PRDM16: variants seen among roughly 807,000 people sequenced by gnomAD.
PRDM16 encodes the protein histone-lysine N-methyltransferase PRDM16.
In PRDM16, 23 loss-of-function variants were observed where a neutral mutation model predicts 110.6. The ratio of observed to expected loss-of-function variants is 0.21; its 90% CI spans 0.15 to 0.29. PRDM16 has a LOEUF of 0.29. Among genes scored for constraint, PRDM16 ranks in the 10% least tolerant of loss-of-function variants. PRDM16 has a pLI of 1.00. For synonymous variants in PRDM16, 799 were observed against 781.8 expected (o/e 1.02, Z -0.37); for missense variants, 1,615 against 1,794.3 (o/e 0.90, Z 1.81).
chr1:3,132,218 G>C (rs190682699), intron 1 of PRDM16, among the ~76,000 whole-genome samples: 1 of 152,164 alleles, frequency 6.6e-6, no homozygotes, highest in Non-Finnish European at 1.5e-5. Flanking sequence ...GCGGTGCCAC[G>C]GAGAGGAAAA....
Position 3,145,486 on chromosome 1 carries a change from G to A in PRDM16, c.38-40639G>A, listed in dbSNP as rs529962382. ...GCCTTGGACGGCAGCCTGGACTGGA[G>A]AGTCCCCAGGGGAAGTTCCCAGGCC... On this transcript the variant is annotated intron_variant, in intron 1 of 16. Coordinates refer to ENST00000270722, the MANE Select transcript of PRDM16 (RefSeq NM_022114.4). Among the ~76,000 whole-genome samples the A allele has an allele frequency of 1.6e-3, 238 of 152,296 alleles. 1 individual carries two copies. Among genetic ancestry groups the A allele is most frequent in the African/African-American group, 5.5e-3 (228 of 41,546 alleles).
chr1:3,254,763 A>G (rs1242428286), intron 3 of PRDM16, among the ~76,000 whole-genome samples: 3 of 152,076 alleles, frequency 2.0e-5, no homozygotes, highest in Non-Finnish European at 4.4e-5. Flanking sequence ...TGCCATCCCC[A>G]TCAAGCTACC....
In PRDM16 at chr1:3,190,366, G is replaced by A. The variant is rs551461693; in HGVS notation, c.387+3892G>A. On this transcript the variant is annotated intron_variant, in intron 2 of 16. Coordinates refer to ENST00000270722, the MANE Select transcript of PRDM16 (RefSeq NM_022114.4). The surrounding 1 kb of genome is among the most constrained non-coding windows in gnomAD (Gnocchi z 5.0). The stretch of plus-strand genomic sequence containing the variant: ...GGGGGTCGGGAGCTGAGTTTCCTCC[G>A]GCCTCAGTTGCTGGTCGGAAGCCTG... Among the ~76,000 whole-genome samples, 8 of 152,214 alleles carry A rather than the reference G, an allele frequency of 5.3e-5. No homozygotes were observed. Among genetic ancestry groups the A allele is most frequent in the African/African-American group, 1.7e-4 (7 of 41,442 alleles).
intron 3 of PRDM16, among the ~76,000 whole-genome samples, chr1:3,314,317 C>CT (rs1241430166): frequency 2.0e-5 from 3 of 152,120 alleles, no homozygotes; most frequent in Non-Finnish European, 4.4e-5. Flanking sequence ...GTGCCCTAGA[C>CT]TGTTTCTGAA....
At chr1:3,139,805 G>A (rs190322591) in intron 1 of PRDM16, among the ~76,000 whole-genome samples, 3 of 152,246 alleles carry the variant, frequency 2.0e-5, no homozygotes, top group East Asian at 1.9e-4. Context: ...GCTCCAGGCT[G>A]AGAGTGGTTT....
chr1:3,311,226 G>A (rs938560741), intron 3 of PRDM16, among the ~76,000 whole-genome samples: 2 of 152,218 alleles, frequency 1.3e-5, no homozygotes, highest in African/African-American at 4.8e-5. Flanking sequence ...CAGTGGCCGC[G>A]GCGCTGCCGC....
intron 1 of PRDM16, among the ~76,000 whole-genome samples, chr1:3,108,264 T>C: frequency 6.6e-6 from 1 of 152,242 alleles, no homozygotes; most frequent in East Asian, 1.9e-4. Context: ...TAATTCTTTT[T>C]TGAAGTTTTA....
chr1:3,327,669 C>G (rs1259022056), intron 3 of PRDM16, among the ~76,000 whole-genome samples: 1 of 128,080 alleles, frequency 7.8e-6, no homozygotes, highest in Admixed American at 7.8e-5. Flanking sequence ...GGGATGGGCA[C>G]AGTGGATGAT....
In PRDM16 at chr1:3,358,489, G is replaced by A. The variant is rs568252377; in HGVS notation, c.439-26663G>A. On this transcript the variant is annotated intron_variant, in intron 3 of 16. Coordinates refer to ENST00000270722, the MANE Select transcript of PRDM16 (RefSeq NM_022114.4). This position sits in a 1 kb window ranked among gnomAD's most constrained non-coding sequence, Gnocchi z 4.0. ...GCCGCTGCGCCCCAGACTCCCAGCC[G>A]CGGCTTCGGATGCAGCTGGAATAAG... Among the ~76,000 whole-genome samples, 18 of 152,276 alleles carry A rather than the reference G, an allele frequency of 1.2e-4. No homozygotes were observed. The East Asian group carries it at 2.1e-3, about 18-fold the overall frequency.
At chr1:3,079,939 G>A (rs1169502570) in intron 1 of PRDM16, among the ~76,000 whole-genome samples, 2 of 152,216 alleles carry the variant, frequency 1.3e-5, no homozygotes, top group South Asian at 2.1e-4. Context: ...GCTGCACCTC[G>A]GTCCTTAGCC....
At chr1:3,254,318 G>T (rs1292001223) in intron 3 of PRDM16, among the ~76,000 whole-genome samples, 1 of 152,124 alleles carries the variant, frequency 6.6e-6, no homozygotes, top group African/African-American at 2.4e-5. Flanking sequence ...AGGGCAGTTA[G>T]GCAGGAGAAG....
intron 2 of PRDM16, among the ~76,000 whole-genome samples, chr1:3,241,510 G>T (rs1311923543): frequency 6.6e-6 from 1 of 152,212 alleles, no homozygotes; most frequent in Non-Finnish European, 1.5e-5. Context: ...GGTATGACTG[G>T]GCCCTCCTGG....
intron 8 of PRDM16, among the ~76,000 whole-genome samples, chr1:3,408,855 CGAG>C (rs1370339211): frequency 1.5e-5 from 2 of 136,280 alleles, no homozygotes; most frequent in African/African-American, 2.7e-5. Context: ...TGTGAGAGCA[CGAG>C]GGTGGGCACG....
At chr1:3,247,038 T>G (rs1569919062) in intron 3 of PRDM16, among the ~76,000 whole-genome samples, 1 of 152,130 alleles carries the variant, frequency 6.6e-6, no homozygotes, top group Non-Finnish European at 1.5e-5. Flanking sequence ...CAGGATGAAT[T>G]CAGTACAGTC....
Position 3,157,997 on chromosome 1 carries a change from CAG to C in PRDM16, c.38-28126_38-28125del, listed in dbSNP as rs1429983800. On this transcript the variant is annotated intron_variant, in intron 1 of 16. Coordinates refer to ENST00000270722, the MANE Select transcript of PRDM16 (RefSeq NM_022114.4). The surrounding 1 kb of genome is among the most constrained non-coding windows in gnomAD (Gnocchi z 4.8). ...CTGCTCATTGCAGAAAATACAGAAA[CAG>C]ATTTTGAAATGGAAAACCTTGCCTC... Among the ~76,000 whole-genome samples, 3 of 152,156 alleles carry C rather than the reference CAG, an allele frequency of 2.0e-5. No individual in the cohort carries two copies. Among genetic ancestry groups the C allele is most frequent in the African/African-American group, 4.8e-5 (2 of 41,442 alleles).
At chr1:3,314,071 C>CGGGGGGGGGGG (rs747479644) in intron 3 of PRDM16, among the ~76,000 whole-genome samples, 26 of 100,506 alleles carry the variant, frequency 2.6e-4, no homozygotes, top group African/African-American at 1.4e-3. Flanking sequence ...CCTTCCCCAC[C>CGGGGGGGGGGG]GGGGGGGGGG....
intron 3 of PRDM16, among the ~76,000 whole-genome samples, chr1:3,279,328 T>C (rs1016000862): frequency 4.6e-5 from 7 of 152,072 alleles, no homozygotes; most frequent in African/African-American, 1.7e-4. Context: ...GGGTAGATGT[T>C]CTCCCCTCAG....
At chr1:3,146,417 G>A (rs567083445) in intron 1 of PRDM16, among the ~76,000 whole-genome samples, 34 of 152,384 alleles carry the variant, frequency 2.2e-4, no homozygotes, top group African/African-American at 7.5e-4. Flanking sequence ...CTTGCCATCC[G>A]TTGTCAAAGG....
chr1:3,418,841 C>A (rs754894268), intron 12 of PRDM16, 97 bp downstream of exon 12: 4 of 944,856 alleles, frequency 4.2e-6, no homozygotes, highest in Admixed American at 1.8e-5. Flanking sequence ...CCAGGGCTCC[C>A]TGCTGGAGTG....
Sources: gnomAD v4.1 joint callset for allele counts (sites outside exome capture counted in the v4.1 genomes callset) on GRCh38, gnomAD v4.1.1 for gene constraint, Gnocchi (gnomAD v3.1) non-coding constraint, MANE v1.5 for transcripts, NCBI Gene and HGNC (gene_info 2026-07-23, HGNC 2026-07-21) for gene names.